PIK3R2: variants seen among roughly 807,000 people sequenced by gnomAD.
PIK3R2 encodes the protein phosphoinositide-3-kinase regulatory subunit 2, also known as phosphatidylinositol 3-kinase regulatory subunit beta.
PIK3R2 carries 40 observed loss-of-function variants against 78.5 expected under a neutral mutation model. The observed-to-expected ratio is 0.51, with a 90% CI of 0.40 to 0.66. The LOEUF (loss-of-function observed/expected upper bound fraction) is 0.66. PIK3R2 is among the 30% of genes least tolerant of loss of function. The probability of loss-of-function intolerance (pLI) is 0.00; values close to 1 mark genes in which losing one functional copy is unlikely to be tolerated. For synonymous variants in PIK3R2, 473 were observed against 457.7 expected, an observed-to-expected ratio of 1.03 and a Z score of -0.43; for missense variants, 880 against 1,026.6, an observed-to-expected ratio of 0.86 and a Z score of 1.95.
rs1258315228 is a variant in PIK3R2 at position 18,168,792 on chromosome 19, C to T, written c.1875C>T (p.Gly625=). The T allele has an allele frequency of 4.3e-6, 7 of 1,613,780 alleles. No individual in the cohort carries two copies. The highest frequency in any genetic ancestry group is 5.1e-6 in the Non-Finnish European group (6 of 1,179,840). The change falls in exon 15 of 16, where the codon GGC becomes GGT. Residue 625 remains glycine, a synonymous_variant. Coordinates refer to ENST00000222254, the MANE Select transcript of PIK3R2 (RefSeq NM_005027.4). This position sits in a 1 kb window ranked among gnomAD's most constrained non-coding sequence, Gnocchi z 4.1. ...PHHEERTWYV[G]KINRTQAEEM... ...ACGAGGAACGCACTTGGTACGTGGG[C>T]AAGATCAACCGCACGCAGGCAGAGG...
In PIK3R2 at chr19:18,169,151, C is replaced by T; in HGVS notation, c.2044C>T (p.Pro682Ser). 1 of 1,611,650 alleles carries T rather than the reference C, an allele frequency of 6.2e-7. No individual in the cohort carries two copies. The highest frequency in any genetic ancestry group is 8.5e-7 in the Non-Finnish European group (1 of 1,179,862). Residue 682 changes from proline to serine, a missense_variant, in exon 16 of 16, where the codon CCC (proline) becomes TCC (serine). By Grantham distance (74) the Pro-to-Ser change is moderately conservative (BLOSUM62 -1). This residue lies in a region of PIK3R2 where 268 missense variants were observed against 299.1 expected (regional missense o/e 0.90). Transcript: ENST00000222254. ...GGCCACCGGCTTCGGCTTCGCGGAGCCCTACAACCTGTACGGGTCGCTGAA... is the reference window on the plus strand; with the variant it reads ...GGCCACCGGCTTCGGCTTCGCGGAGTCCTACAACCTGTACGGGTCGCTGAA... The part of the protein sequence containing the change: ...RTATGFGFAE[P>S]YNLYGSLKEL...
In PIK3R2 at chr19:18,161,571, C is replaced by T. The variant is rs1001791278; in HGVS notation, c.815+76C>T. 2.0e-6 allele frequency: 1 copy of T among 510,834 alleles called. No individual in the cohort carries two copies. Among genetic ancestry groups the T allele is most frequent in the Middle Eastern group, 6.1e-4 (1 of 1,642 alleles). The allele number at this position is 510,834 out of a possible 1,614,324, so 31.6% of individuals were successfully genotyped here. ...GCGGGCGGGGCATGGCCAGAGTGAG[C>T]GGCGTCTAGACCCTAAGAAGGGAGG... On this transcript the variant is annotated intron_variant, in intron 6 of 15. Transcript: ENST00000222254. The surrounding 1 kb of genome is among the most constrained non-coding windows in gnomAD (Gnocchi z 5.3).
Position 18,161,841 on chromosome 19 carries a change from C to G in PIK3R2, c.816-125C>G. The G allele has an allele frequency of 1.3e-6, 1 of 742,478 alleles. No individual in the cohort carries two copies. Among genetic ancestry groups the G allele is most frequent in the Non-Finnish European group, 2.3e-6 (1 of 435,956 alleles). The allele number at this position is 742,478 out of a possible 1,614,324, so 46.0% of individuals were successfully genotyped here. ...CTCGCACATGTGCCTGTATCATCTC[C>G]TCCTCCGCCCTGCACATACTGTCTC... On this transcript the variant is annotated intron_variant, in intron 6 of 15. Coordinates refer to ENST00000222254, the MANE Select transcript of PIK3R2 (RefSeq NM_005027.4). This position sits in a 1 kb window ranked among gnomAD's most constrained non-coding sequence, Gnocchi z 5.3.
At position 18,169,872 on chromosome 19, in the gene PIK3R2, C is replaced by T. The variant is rs1361189220; in HGVS notation, c.*578C>T. 5.0e-6 allele frequency: 1 copy of T among 201,790 alleles called. No individual in the cohort carries two copies. The highest frequency in any genetic ancestry group is 1.0e-5 in the Non-Finnish European group (1 of 97,732). 12.5% of individuals were successfully genotyped at this position (201,790 alleles called of 1,614,324 possible). On this transcript the variant is annotated 3_prime_UTR_variant, in exon 16 of 16. Transcript: ENST00000222254. The stretch of plus-strand genomic sequence containing the variant: ...GAAACCCGCCACCGGGTTACCCCCA[C>T]AAGGGGGCCGCTGCGAGAAGTTCAC...
intron 2 of PIK3R2, among the ~76,000 whole-genome samples, chr19:18,159,835 G>A (rs540399641): frequency 8.5e-5 from 13 of 152,164 alleles, no homozygotes; most frequent in African/African-American, 2.6e-4. Flanking sequence ...TCCGCCTCCC[G>A]GGTTCAAGCG....
At chr19:18,163,704 C>G (rs1429353634) in intron 11 of PIK3R2, among the ~76,000 whole-genome samples, 1 of 152,180 alleles carries the variant, frequency 6.6e-6, no homozygotes, top group Non-Finnish European at 1.5e-5. Context: ...TGCTTCTACT[C>G]CCAGCTACTC....
rs574421930 is a variant in PIK3R2 at position 18,162,599 on chromosome 19, GA to G, written c.1109+94del. 2.0e-4 allele frequency: 224 copies of G among 1,131,790 alleles called. 4 individuals are homozygous for G. The South Asian group carries it at 2.7e-3, about 14-fold the overall frequency. The allele number at this position is 1,131,790 out of a possible 1,614,324, so 70.1% of individuals were successfully genotyped here. Reference sequence around the variant, plus strand: ...TAGAACATGTGCGGTTTCAAGAATGGAGGGCCAGGCACGGTGGCTTACACCT... The same window carrying G: ...TAGAACATGTGCGGTTTCAAGAATGGGGGCCAGGCACGGTGGCTTACACCT... On this transcript the variant is annotated intron_variant, in intron 9 of 15. Transcript: ENST00000222254.
chr19:18,160,739 G>C lies in PIK3R2; in HGVS notation c.415+176G>C, dbSNP rs2043733037. 4.5e-6 allele frequency: 4 copies of C among 884,396 alleles called. No individual in the cohort carries two copies. In the South Asian group the frequency reaches 6.2e-5, roughly 14 times the overall value. The allele number at this position is 884,396 out of a possible 1,614,324, so 54.8% of individuals were successfully genotyped here. On this transcript the variant is annotated intron_variant, in intron 3 of 15. Coordinates refer to ENST00000222254, the MANE Select transcript of PIK3R2 (RefSeq NM_005027.4). ...GTGACTCCTAAGGGAAGATGGGAAG[G>C]TGAACATGACCAGGCCACTGCATGT... is the stretch of plus-strand genomic sequence containing the variant.
rs974410632 is a variant in PIK3R2 at position 18,170,281 on chromosome 19, G to C, written c.*987G>C. 6.6e-6 allele frequency: 1 copy of C among 152,404 alleles called. No individual in the cohort carries two copies. The highest frequency in any genetic ancestry group is 6.5e-5 in the Admixed American group (1 of 15,304). 9.4% of individuals were successfully genotyped at this position (152,404 alleles called of 1,614,324 possible). A position where few individuals can be genotyped will look rare whatever the true frequency, so the allele number is the denominator to read the frequency against. On this transcript the variant is annotated 3_prime_UTR_variant, in exon 16 of 16. Transcript: ENST00000222254. ...AGGAATCACAGCTCCCCGTACTGGT[G>C]CCGCCGCAGTGGCCAAGTTGCGACA...
At position 18,168,768 on chromosome 19, in the gene PIK3R2, C is replaced by T. The variant is rs376357335; in HGVS notation, c.1851C>T (p.His617=). The change falls in exon 15 of 16, where the codon CAC becomes CAT. Residue 617 remains histidine, a synonymous_variant. Coordinates refer to ENST00000222254, the MANE Select transcript of PIK3R2 (RefSeq NM_005027.4). This position sits in a 1 kb window ranked among gnomAD's most constrained non-coding sequence, Gnocchi z 4.1. The part of the protein sequence containing the change: ...LMEDEDDLPH[H]EERTWYVGKI... ...AGGACGAGGACGATCTCCCGCACCACGAGGAACGCACTTGGTACGTGGGCA... is the reference window on the plus strand; with the variant it reads ...AGGACGAGGACGATCTCCCGCACCATGAGGAACGCACTTGGTACGTGGGCA... 8 of 1,613,662 alleles carry T rather than the reference C, an allele frequency of 5.0e-6. No homozygotes were observed. The highest frequency in any genetic ancestry group is 4.0e-5 in the African/African-American group (3 of 74,898).
chr19:18,161,516 G>A lies in PIK3R2; in HGVS notation c.815+21G>A. On this transcript the variant is annotated intron_variant, in intron 6 of 15. Coordinates refer to ENST00000222254, the MANE Select transcript of PIK3R2 (RefSeq NM_005027.4). This position sits in a 1 kb window ranked among gnomAD's most constrained non-coding sequence, Gnocchi z 5.3. ...GACGGGTGAGGGGCGGGGCGGAGCC[G>A]GAGCGAGCAGGGGTGGAGTTTGGGG... is the stretch of plus-strand genomic sequence containing the variant. The A allele has an allele frequency of 1.2e-6, 1 of 866,716 alleles. No individual in the cohort carries two copies. The highest frequency in any genetic ancestry group is 1.5e-6 in the Non-Finnish European group (1 of 660,688). The allele number at this position is 866,716 out of a possible 1,614,324, so 53.7% of individuals were successfully genotyped here.
Position 18,169,533 on chromosome 19 carries a change from C to G in PIK3R2, c.*239C>G, listed in dbSNP as rs2147961390. 3.0e-6 allele frequency: 1 copy of G among 331,404 alleles called. No individual in the cohort carries two copies. Among genetic ancestry groups the G allele is most frequent in the East Asian group, 4.5e-5 (1 of 22,106 alleles). 20.5% of individuals were successfully genotyped at this position (331,404 alleles called of 1,614,324 possible). ...CCTGTCTCTCTCCATGTTGGGGGTC[C>G]TAACTCCCCCACCCCATATCTACGT... is the stretch of plus-strand genomic sequence containing the variant. On this transcript the variant is annotated 3_prime_UTR_variant, in exon 16 of 16. Transcript: ENST00000222254.
At chr19:18,160,357 C>G (rs764207649) in intron 2 of PIK3R2, 114 bp from the exon 3 acceptor site, 75 of 704,568 alleles carry the variant, frequency 1.1e-4, no homozygotes, top group Non-Finnish European at 1.8e-4. Context: ...CAAGCACTTG[C>G]CTGAGCTGGG....
chr19:18,158,166 C>T (rs1385764360), intron 2 of PIK3R2, among the ~76,000 whole-genome samples: 1 of 152,118 alleles, frequency 6.6e-6, no homozygotes, highest in Non-Finnish European at 1.5e-5. Flanking sequence ...CTTTTCTTTC[C>T]TTTCAACCAC....
chr19:18,162,004 A>G lies in PIK3R2; in HGVS notation c.854A>G (p.Glu285Gly). 1.2e-6 allele frequency: 2 copies of G among 1,613,968 alleles called. No homozygotes were observed. Among genetic ancestry groups the G allele is most frequent in the South Asian group, 1.1e-5 (1 of 91,082 alleles). ...CCTGACTTCCCGGCGCTGCTGGTGG[A>G]GAAGCTGCTTCAGGAACACTTGGAA... ...PSPDFPALLV[E>G]KLLQEHLEEQ... The change falls in exon 7 of 16, where the codon GAG (glutamate) becomes GGG (glycine). Residue 285 changes from glutamate to glycine, a missense_variant. Physicochemically the swap from Glu to Gly is moderately conservative, Grantham distance 98. Coordinates refer to ENST00000222254, the MANE Select transcript of PIK3R2 (RefSeq NM_005027.4).
At chr19:18,165,282 TTG>T in intron 11 of PIK3R2, among the ~76,000 whole-genome samples, 2 of 147,332 alleles carry the variant, frequency 1.4e-5, no homozygotes. Context: ...GGAGAATAGC[TTG>T]AACCTGAGAG....
At chr19:18,158,769 C>T (rs1599967251) in intron 2 of PIK3R2, among the ~76,000 whole-genome samples, 1 of 152,202 alleles carries the variant, frequency 6.6e-6, no homozygotes, top group African/African-American at 2.4e-5. Context: ...TCAGTGGCTG[C>T]CGCAAAAATT....
intron 1 of PIK3R2, among the ~76,000 whole-genome samples, chr19:18,155,043 G>A (rs373125129): frequency 4.6e-5 from 7 of 151,818 alleles, no homozygotes; most frequent in East Asian, 3.9e-4. Flanking sequence ...GTGAAACCTC[G>A]TCTCTACTAA....
intron 2 of PIK3R2, among the ~76,000 whole-genome samples, chr19:18,159,163 T>TTTTTTTTTTTA (rs1555813899): frequency 1.3e-4 from 18 of 140,444 alleles, no homozygotes; most frequent in Middle Eastern, 3.6e-3. Flanking sequence ...TTTTTTTTTT[T>TTTTTTTTTTTA]AAATTATTTA....
Sources: gnomAD v4.1 joint callset for allele counts (sites outside exome capture counted in the v4.1 genomes callset) on GRCh38, gnomAD v4.1.1 for gene constraint, gnomAD v4.1.1 regional missense constraint, Gnocchi (gnomAD v3.1) non-coding constraint, MANE v1.5 for transcripts, NCBI Gene and HGNC (gene_info 2026-07-23, HGNC 2026-07-21) for gene names.